The following DOK5 variants were observed in gnomAD, a reference collection of about 807,000 sequenced individuals.
The protein encoded by DOK5 is docking protein 5.
A neutral mutation model predicts 43.3 loss-of-function variants in DOK5; 27 were observed. That is an observed-to-expected ratio of 0.62 (90% CI 0.46 to 0.86). DOK5 has a LOEUF of 0.86. Ranked by LOEUF, DOK5 falls within the 40% of genes least tolerant of loss-of-function variation. The pLI, the probability that DOK5 is intolerant of heterozygous loss-of-function variation, is 0.00. For missense variants in DOK5, 373 were observed against 392.9 expected (o/e 0.95, Z 0.43); for synonymous variants, 146 against 140.1 (o/e 1.04, Z -0.30).
At chr20:54,508,388 C>T (rs73142933) in intron 1 of DOK5, among the ~76,000 whole-genome samples, 9,023 of 150,054 alleles carry the variant, frequency 0.06, 281 homozygotes, top group Non-Finnish European at 0.078. Flanking sequence ...CTGTTCCAGG[C>T]AGACAGAATT....
At chr20:54,605,108 T>TACACACACAC (rs11471905) in intron 5 of DOK5, among the ~76,000 whole-genome samples, 10 of 148,932 alleles carry the variant, frequency 6.7e-5, no homozygotes, top group African/African-American at 2.5e-4. Context: ...CCATATATTC[T>TACACACACAC]ACACACACAC....
rs146998992 is a variant in DOK5, at chr20:54,487,303, T to G, written c.66+11291T>G. 1.9e-3 allele frequency among the ~76,000 whole-genome samples: 295 copies of G among 152,308 alleles called. 2 individuals carry two copies. Among genetic ancestry groups the G allele is most frequent in the African/African-American group, 5.7e-3 (236 of 41,570 alleles). ...CTAGAGAGGACCATCCTGACTTAGGTGCAGAGTGTTCAGCTCACAGCGTCA... is the reference window on the plus strand; with the variant it reads ...CTAGAGAGGACCATCCTGACTTAGGGGCAGAGTGTTCAGCTCACAGCGTCA... On this transcript the variant is annotated intron_variant, in intron 1 of 7. Transcript: ENST00000262593.
intron 1 of DOK5, among the ~76,000 whole-genome samples, chr20:54,495,629 G>T: frequency 6.6e-6 from 1 of 152,162 alleles, no homozygotes; most frequent in East Asian, 1.9e-4. Flanking sequence ...AGTGGCTCAC[G>T]CCTGTAATCC....
chr20:54,531,846 C>T (rs6098050), intron 1 of DOK5, among the ~76,000 whole-genome samples: 3,700 of 152,286 alleles, frequency 0.024, 148 homozygotes, highest in African/African-American at 0.084. Context: ...ATAATTTGAG[C>T]AGTGCATAAA....
intron 6 of DOK5, among the ~76,000 whole-genome samples, chr20:54,636,034 A>T (rs1978810494): frequency 6.6e-6 from 1 of 152,134 alleles, no homozygotes; most frequent in Non-Finnish European, 1.5e-5. Context: ...GAAAGTATCA[A>T]GTGGTGAAAG....
At chr20:54,493,083 G>A (rs1311716080) in intron 1 of DOK5, among the ~76,000 whole-genome samples, 10 of 145,266 alleles carry the variant, frequency 6.9e-5, no homozygotes, top group South Asian at 4.3e-4. Context: ...AAAAAAAAAG[G>A]GATGTGTTTG....
chr20:54,589,322 C>G (rs1241365406), intron 4 of DOK5, among the ~76,000 whole-genome samples: 2 of 152,122 alleles, frequency 1.3e-5, no homozygotes, highest in Admixed American at 6.5e-5. Context: ...TTATCAACAA[C>G]TTTCCAATGT....
chr20:54,602,832 C>A (rs1308658828), intron 5 of DOK5, among the ~76,000 whole-genome samples: 2 of 152,028 alleles, frequency 1.3e-5, no homozygotes, highest in Non-Finnish European at 2.9e-5. Context: ...CACCGCCATG[C>A]CTGGATAATT....
chr20:54,580,224 A>G (rs912516054), intron 2 of DOK5, among the ~76,000 whole-genome samples: 1 of 152,200 alleles, frequency 6.6e-6, no homozygotes, highest in Non-Finnish European at 1.5e-5. Flanking sequence ...AAGAGACACC[A>G]CATTTTCTTT....
At chr20:54,562,637 C>T (rs149348787) in intron 2 of DOK5, among the ~76,000 whole-genome samples, 108 of 152,132 alleles carry the variant, frequency 7.1e-4, no homozygotes, top group African/African-American at 2.5e-3. Flanking sequence ...ATGCTGGTCT[C>T]GAACTCGTGG....
intron 2 of DOK5, among the ~76,000 whole-genome samples, chr20:54,584,266 C>T (rs1017009540): frequency 1.4e-4 from 21 of 151,580 alleles, no homozygotes; most frequent in African/African-American, 3.4e-4. Flanking sequence ...CTCTTGCTGT[C>T]GTATTTGTGA....
intron 1 of DOK5, among the ~76,000 whole-genome samples, chr20:54,533,905 T>A (rs1025948217): frequency 2.0e-5 from 3 of 152,222 alleles, no homozygotes; most frequent in Admixed American, 1.3e-4. Flanking sequence ...AAAATGCTGA[T>A]CATTTTTTTC....
chr20:54,612,549 C>A (rs1277649918), intron 6 of DOK5, among the ~76,000 whole-genome samples: 1 of 152,008 alleles, frequency 6.6e-6, no homozygotes, highest in Non-Finnish European at 1.5e-5. Flanking sequence ...GGGCCTCATC[C>A]AATCTGATGG....
intron 7 of DOK5, among the ~76,000 whole-genome samples, chr20:54,648,564 A>G (rs6014107): frequency 0.58 from 87,717 of 151,364 alleles, 29,465 homozygotes; most frequent in East Asian, 1. Context: ...TAGAGAGGTC[A>G]GCAAATGCAA....
intron 6 of DOK5, among the ~76,000 whole-genome samples, chr20:54,615,771 G>A (rs1986788279): frequency 1.3e-5 from 2 of 152,118 alleles, no homozygotes; most frequent in South Asian, 2.1e-4. Context: ...TTAGCTGGGC[G>A]TGGTGGCGTG....
chr20:54,485,353 CA>C (rs546070379), intron 1 of DOK5, among the ~76,000 whole-genome samples: 14,736 of 77,296 alleles, frequency 0.19, 869 homozygotes, highest in African/African-American at 0.29. Flanking sequence ...GACTCCGTCT[CA>C]AAAAAAAAAA....
intron 2 of DOK5, among the ~76,000 whole-genome samples, chr20:54,579,101 T>C (rs2146756260): frequency 6.6e-6 from 1 of 152,344 alleles, no homozygotes; most frequent in South Asian, 2.1e-4. Flanking sequence ...CTTTTAGGCA[T>C]TTGTCATTTA....
chr20:54,580,641 T>G (rs529111479), intron 2 of DOK5, among the ~76,000 whole-genome samples: 1 of 152,286 alleles, frequency 6.6e-6, no homozygotes, highest in Non-Finnish European at 1.5e-5. Flanking sequence ...ATATATCCAT[T>G]GGTCAGTGTA....
At chr20:54,476,108 C>G (rs2146649688) in intron 1 of DOK5, 96 bp downstream of exon 1, 2 of 1,570,518 alleles carry the variant, frequency 1.3e-6, no homozygotes, top group East Asian at 4.6e-5. Flanking sequence ...TCCCCGGCCG[C>G]GCGCCGGAGA....
Sources: allele counts gnomAD v4.1 joint callset (sites outside exome capture counted in the v4.1 genomes callset), GRCh38; gene constraint gnomAD v4.1.1; transcripts MANE v1.5; gene names NCBI Gene and HGNC (gene_info 2026-07-23, HGNC 2026-07-21).